Variants in VPS35L observed in about 807,000 individuals in gnomAD.
VPS35L encodes VPS35 endosomal protein sorting factor like.
Under a neutral mutation model 133.0 loss-of-function variants are expected in VPS35L, and 83 were observed. The ratio of observed to expected loss-of-function variants is 0.62; its 90% CI spans 0.52 to 0.75. The LOEUF (loss-of-function observed/expected upper bound fraction) is 0.75, where lower values mean the gene tolerates loss of function less well. Among genes scored for constraint, VPS35L ranks in the 30% least tolerant of loss-of-function variants. The pLI is 0.00. For synonymous variants in VPS35L, 423 were observed against 449.9 expected, an observed-to-expected ratio of 0.94 and a Z score of 0.76; for missense variants, 1,083 against 1,206.8, an observed-to-expected ratio of 0.90 and a Z score of 1.52.
At chr16:19,621,494 C>T (rs868630790) in intron 14 of VPS35L, among the ~76,000 whole-genome samples, 3 of 152,234 alleles carry the variant, frequency 2.0e-5, no homozygotes, top group African/African-American at 4.8e-5. Context: ...CAAACCAGCA[C>T]ACCAAGCAAA....
rs1973816174 is a variant in VPS35L, at chr16:19,642,452, G to A, written c.1841G>A (p.Cys614Tyr). The change falls in exon 22 of 31, where the codon TGC (cysteine) becomes TAC (tyrosine). Residue 614 changes from cysteine to tyrosine, a missense_variant. Cys to Tyr is a radical substitution (Grantham distance 194). Transcript: ENST00000417362. ...PVILNALLHV[C>Y]KTMHDSVNAL... ...ATCTTGAATGCCCTTTTGCATGTTT[G>A]CAAGACCATGCATGACTCTGTGAAG... 6.2e-7 allele frequency: 1 copy of A among 1,613,566 alleles called. No individual in the cohort carries two copies. Among genetic ancestry groups the A allele is most frequent in the Non-Finnish European group, 8.5e-7 (1 of 1,179,702 alleles).
intron 27 of VPS35L, among the ~76,000 whole-genome samples, chr16:19,674,139 A>G (rs969106104): frequency 2.0e-5 from 3 of 150,038 alleles, no homozygotes; most frequent in Non-Finnish European, 4.4e-5. Flanking sequence ...AGCATTAACA[A>G]GACTCCCACA....
intron 8 of VPS35L, among the ~76,000 whole-genome samples, chr16:19,595,059 C>G (rs1462296094): frequency 1.3e-5 from 2 of 152,026 alleles, no homozygotes; most frequent in Non-Finnish European, 2.9e-5. Context: ...AAGAGAGAGG[C>G]GATGAGATGA....
chr16:19,573,448 TA>T, intron 4 of VPS35L: 1 of 496,754 alleles, frequency 2.0e-6, no homozygotes. Flanking sequence ...AAAAAAATGT[TA>T]AGGATCAGGG....
chr16:19,608,946 C>T, intron 10 of VPS35L, 28 bp from the exon 11 acceptor site: 1 of 1,609,016 alleles, frequency 6.2e-7, no homozygotes, highest in Non-Finnish European at 8.5e-7. Flanking sequence ...TTCTGGAAAA[C>T]ATCTTCCTTA....
At chr16:19,698,930 C>CT (rs1395377818) in intron 29 of VPS35L, among the ~76,000 whole-genome samples, 1 of 152,094 alleles carries the variant, frequency 6.6e-6, no homozygotes, top group Non-Finnish European at 1.5e-5. Flanking sequence ...TGTGGTTAGA[C>CT]TTTTTTTGGC....
rs749175686 is a variant in VPS35L, at chr16:19,616,699, C to T, written c.1115C>T (p.Thr372Met). The T allele has an allele frequency of 1.2e-5, 19 of 1,613,638 alleles. No homozygotes were observed. The highest frequency in any genetic ancestry group is 7.7e-5 in the South Asian group (7 of 91,024). ...GGCCTCCTGTAGATTCATGGGGATA[C>T]GGTCCAGAACCAGCTGGTGGTCCAA... ...LLTFKQIHGD[T>M]VQNQLVVQGV... Residue 372 changes from threonine (T) to methionine (M), a missense_variant, in exon 14 of 31, where the codon ACG becomes ATG. Thr to Met is a moderately conservative substitution (Grantham distance 81). Transcript: ENST00000417362.
chr16:19,569,367 G>C lies in VPS35L; in HGVS notation c.118-57G>C. The C allele has an allele frequency of 8.2e-6, 13 of 1,580,824 alleles. No individual in the cohort carries two copies. The South Asian group carries it at 1.4e-4, about 18-fold the overall frequency. ...ATGGGAGGAAAGTACCCACTGGAGT[G>C]TTTCACTGGAGAGAGTTGTGGGAGT... is the stretch of plus-strand genomic sequence containing the variant. On this transcript the variant is annotated intron_variant, in intron 2 of 30. Transcript: ENST00000417362.
rs556308150 is a variant in VPS35L at position 19,645,839 on chromosome 16, C to G, written c.1929+890C>G. Among the ~76,000 whole-genome samples, 5 of 152,366 alleles carry G rather than the reference C, an allele frequency of 3.3e-5. No individual in the cohort carries two copies. The South Asian group carries it at 1.0e-3, about 32-fold the overall frequency. ...GAAGCAGCTGATGCAGATCATCAGA[C>G]GGTGATGGAAACTATGCCGGGCAGG... On this transcript the variant is annotated intron_variant, in intron 23 of 30. Transcript: ENST00000417362.
chr16:19,565,207 C>T (rs141640166), intron 2 of VPS35L, among the ~76,000 whole-genome samples: 4,216 of 151,940 alleles, frequency 0.028, 78 homozygotes, highest in Non-Finnish European at 0.042. Flanking sequence ...CACACGCCAC[C>T]ATGCCTGGCT....
At chr16:19,638,964 G>C (rs1330226988) in intron 20 of VPS35L, among the ~76,000 whole-genome samples, 5 of 152,174 alleles carry the variant, frequency 3.3e-5, no homozygotes, top group Admixed American at 6.5e-5. Context: ...AAATTAGCCA[G>C]GTGTGGTGGT....
chr16:19,575,051 T>C (rs767792141), intron 4 of VPS35L, 47 bp from the exon 5 acceptor site: 2 of 1,507,364 alleles, frequency 1.3e-6, no homozygotes, highest in East Asian at 2.3e-5. Flanking sequence ...ACAATGAACA[T>C]ACTGCCTTCG....
intron 8 of VPS35L, among the ~76,000 whole-genome samples, chr16:19,597,589 C>G (rs953459524): frequency 1.3e-5 from 2 of 152,152 alleles, no homozygotes; most frequent in African/African-American, 4.8e-5. Context: ...AATGTTTTAC[C>G]TATTCAAAAC....
intron 9 of VPS35L, among the ~76,000 whole-genome samples, chr16:19,605,769 A>G (rs1004860322): frequency 6.6e-6 from 1 of 151,992 alleles, no homozygotes; most frequent in Non-Finnish European, 1.5e-5. Flanking sequence ...TCCAATACCT[A>G]GTTTAGTATC....
In VPS35L at chr16:19,616,736, C is replaced by T. The variant is rs1251055882; in HGVS notation, c.1152C>T (p.Leu384=). 1 of 1,614,054 alleles carries T rather than the reference C, an allele frequency of 6.2e-7. No homozygotes were observed. The highest frequency in any genetic ancestry group is 1.7e-5 in the Admixed American group (1 of 60,010). ...AGCTGGTGGTCCAAGGAGTGGAGCT[C>T]CCATCTTACCTCCCCTTGTACCCGC... ...QNQLVVQGVE[L]PSYLPLYPPA... The change falls in exon 14 of 31, where the codon CTC becomes CTT. Residue 384 remains leucine (L), a synonymous_variant. Coordinates refer to ENST00000417362, the MANE Select transcript of VPS35L (RefSeq NM_020314.7).
intron 2 of VPS35L, chr16:19,569,101 C>A: frequency 4.3e-6 from 2 of 469,472 alleles, no homozygotes; most frequent in Non-Finnish European, 8.1e-6. Context: ...AGCTTAAGTT[C>A]CATTTTGCTA....
intron 16 of VPS35L, 31 bp downstream of exon 16, chr16:19,627,836 A>T: frequency 6.6e-7 from 1 of 1,516,608 alleles, no homozygotes; most frequent in Non-Finnish European, 9.2e-7. Flanking sequence ...TCAGTAGGAC[A>T]CAAATAAGCG....
intron 27 of VPS35L, among the ~76,000 whole-genome samples, chr16:19,676,286 C>T (rs904652675): frequency 1.3e-5 from 2 of 152,124 alleles, no homozygotes; most frequent in Non-Finnish European, 2.9e-5. Flanking sequence ...AGGATAGAAA[C>T]CATTTGATAC....
intron 26 of VPS35L, among the ~76,000 whole-genome samples, chr16:19,661,650 T>G (rs1365997222): frequency 1.3e-5 from 2 of 152,210 alleles, no homozygotes; most frequent in Non-Finnish European, 2.9e-5. Context: ...ACTCATTTCA[T>G]GGAGAAGCTA....
Sources: allele counts gnomAD v4.1 joint callset (sites outside exome capture counted in the v4.1 genomes callset), GRCh38; gene constraint gnomAD v4.1.1; transcripts MANE v1.5; gene names NCBI Gene and HGNC (gene_info 2026-07-23, HGNC 2026-07-21).